The following NEB variants were observed in gnomAD, a reference collection of about 807,000 sequenced individuals.
NEB encodes the protein nebulin.
NEB carries 512 observed loss-of-function variants against 952.2 expected under a neutral mutation model. The observed-to-expected ratio is 0.54, with a 90% confidence interval of 0.50 to 0.58. The LOEUF (loss-of-function observed/expected upper bound fraction) is 0.58. NEB is among the 20% of genes least tolerant of loss of function. The pLI, the probability that NEB is intolerant of heterozygous loss-of-function variation, is 0.00. For missense variants in NEB, 8,428 were observed against 9,231.1 expected, an observed-to-expected ratio of 0.91 and a Z score of 3.56; for synonymous variants, 2,900 against 3,149.8, an observed-to-expected ratio of 0.92 and a Z score of 2.66.
At chr2:151,508,681 AAGC>A (rs1024321186) in intron 161 of NEB, among the ~76,000 whole-genome samples, 105 of 152,352 alleles carry the variant, frequency 6.9e-4, no homozygotes, top group African/African-American at 2.4e-3. Context: ...ATGCTGCAGA[AAGC>A]AGCCTGACAG....
chr2:151,521,096 GTTA>G (rs1003218745), intron 153 of NEB, among the ~76,000 whole-genome samples: 11 of 152,100 alleles, frequency 7.2e-5, no homozygotes, highest in African/African-American at 2.7e-4. Context: ...TAGAGTTTCT[GTTA>G]TTGTTAAGAT....
intron 162 of NEB, among the ~76,000 whole-genome samples, chr2:151,507,473 T>TG (rs1349935794): frequency 7.9e-5 from 12 of 152,062 alleles, no homozygotes; most frequent in African/African-American, 2.4e-4. Context: ...GCAATAAGCC[T>TG]CTCCTTCCAG....
In NEB at chr2:151,547,682, A is replaced by G. The variant is rs777778977; in HGVS notation, c.20214T>C (p.Asp6738=). 5.6e-6 allele frequency: 9 copies of G among 1,613,802 alleles called. No homozygotes were observed. Among genetic ancestry groups the G allele is most frequent in the Non-Finnish European group, 7.6e-6 (9 of 1,179,816 alleles). ...KLKDKIHTTP[D]TPEIRQVKKT... ...TCTTGACTTGGCGGATCTCAGGGGT[A>G]TCGGGAGTTGTATGGATCTTGTCTT... is the stretch of plus-strand genomic sequence containing the variant. The change falls in exon 132 of 182, where the codon GAT becomes GAC. Residue 6738 remains aspartate (D), a synonymous_variant. Transcript: ENST00000397345.
chr2:151,634,381 T>G (rs980432679), intron 64 of NEB, among the ~76,000 whole-genome samples: 9 of 152,110 alleles, frequency 5.9e-5, no homozygotes, highest in African/African-American at 2.2e-4. Context: ...CGGTGGCTCA[T>G]GCCTGTAATC....
chr2:151,561,176 T>C, intron 122 of NEB, 32 bp downstream of exon 122: 1 of 1,579,486 alleles, frequency 6.3e-7, no homozygotes, highest in Non-Finnish European at 8.7e-7. Context: ...AGAAATAGTT[T>C]GTCCCTGGAA....
In NEB at chr2:151,553,468, C is replaced by T. The variant is rs1489708062; in HGVS notation, c.19661G>A (p.Gly6554Asp). 1 of 1,613,704 alleles carries T rather than the reference C, an allele frequency of 6.2e-7. No individual in the cohort carries two copies. Among genetic ancestry groups the T allele is most frequent in the Admixed American group, 1.7e-5 (1 of 60,008 alleles). ...AGTGTCCCAGACGTAGCAACCAATG[C>T]CTTTCAGCCAGTTGAGGTCATCCTT... ...VYKDDLNWLK[G>D]IGCYVWDTPE... Residue 6554 changes from glycine (G) to aspartate (D), a missense_variant, in exon 127 of 182, where the codon GGC (glycine) becomes GAC (aspartate). Coordinates refer to ENST00000397345, the MANE Select transcript of NEB (RefSeq NM_001164508.2).
intron 125 of NEB, among the ~76,000 whole-genome samples, chr2:151,554,317 A>G (rs1397046803): frequency 2.0e-5 from 3 of 152,202 alleles, no homozygotes; most frequent in African/African-American, 4.8e-5. Context: ...TCCCAGCACT[A>G]TGGGAGACTG....
At chr2:151,500,825 C>A (rs920052863) in intron 168 of NEB, among the ~76,000 whole-genome samples, 1 of 152,030 alleles carries the variant, frequency 6.6e-6, no homozygotes, top group African/African-American at 2.4e-5. Flanking sequence ...TCTCGACCTC[C>A]TGGGCTCAAG....
intron 164 of NEB, 140 bp downstream of exon 164, chr2:151,506,026 G>T: frequency 2.6e-6 from 2 of 762,078 alleles, no homozygotes; most frequent in Non-Finnish European, 2.4e-6. Flanking sequence ...TCTAGCCACT[G>T]TGTGGTGGTG....
rs1158802718 is a variant in NEB at position 151,633,726 on chromosome 2, C to T, written c.9342G>A (p.Leu3114=). 3.7e-6 allele frequency: 6 copies of T among 1,613,832 alleles called. No homozygotes were observed. Among genetic ancestry groups the T allele is most frequent in the Non-Finnish European group, 5.1e-6 (6 of 1,179,900 alleles). Residue 3114 remains leucine (L), a synonymous_variant, in exon 65 of 182, where the codon CTG becomes CTA. Transcript: ENST00000397345. ...LVSDVDYKNY[L]HEWTCLPDQS... ...GGTCAGGCAGGCATGTCCACTCGTG[C>T]AGGTAGTTCTTATAGTCCACGTCAC...
Position 151,503,413 on chromosome 2 carries a change from C to T in NEB, c.23771G>A (p.Gly7924Asp). 1 of 1,612,334 alleles carries T rather than the reference C, an allele frequency of 6.2e-7. No homozygotes were observed. Among genetic ancestry groups the T allele is most frequent in the Non-Finnish European group, 8.5e-7 (1 of 1,178,626 alleles). The change falls in exon 166 of 182, where the codon GGC (glycine) becomes GAC (aspartate). Residue 7924 changes from glycine to aspartate, a missense_variant. By Grantham distance (94) the Gly-to-Asp change is moderately conservative (BLOSUM62 -1). This residue lies in a region of NEB where 3,374 missense variants were observed against 3,651.5 expected (regional missense o/e 0.92). Transcript: ENST00000397345. ...CTCTGGAGTCACAGTGGTTGGAATG[C>T]CTGTTCCCAAGTTTTCTTTGTACAT... ...SVMYKENLGT[G>D]IPTTVTPEIE...
chr2:151,644,340 G>A (rs759691796), intron 56 of NEB, 128 bp downstream of exon 56: 394 of 1,074,502 alleles, frequency 3.7e-4, no homozygotes, highest in Admixed American at 4.8e-4. Context: ...ATCCCACACT[G>A]CATGGGATCA....
intron 20 of NEB, 140 bp downstream of exon 20, chr2:151,694,183 A>T: frequency 1.3e-6 from 1 of 753,322 alleles, no homozygotes. Flanking sequence ...ATCTTCCTTT[A>T]GCACCTGGGT....
intron 46 of NEB, 63 bp downstream of exon 46, chr2:151,662,072 A>C (rs768605568): frequency 5.6e-6 from 8 of 1,421,306 alleles, no homozygotes; most frequent in Non-Finnish European, 7.7e-6. Flanking sequence ...CTGTGGATTA[A>C]ATGTAAATTA....
chr2:151,643,119 A>C (rs1361257519), intron 58 of NEB, 31 bp downstream of exon 58: 1 of 1,577,352 alleles, frequency 6.3e-7, no homozygotes. Context: ...AAAAAAAATT[A>C]ATAACCTCCT....
Position 151,576,133 on chromosome 2 carries a change from A to G in NEB, c.16908+18T>C. 3 of 1,544,912 alleles carry G rather than the reference A, an allele frequency of 1.9e-6. No individual in the cohort carries two copies. The highest frequency in any genetic ancestry group is 2.6e-6 in the Non-Finnish European group (3 of 1,133,634). On this transcript the variant is annotated intron_variant, in intron 106 of 181. Transcript: ENST00000397345. ...TTTATGGCATTAATTCAATTTTAAT[A>G]GAGAAAAACTAACTCACAATACTAA... is the stretch of plus-strand genomic sequence containing the variant.
intron 45 of NEB, among the ~76,000 whole-genome samples, chr2:151,663,298 C>T (rs1320315057): frequency 6.6e-6 from 1 of 152,126 alleles, no homozygotes; most frequent in Admixed American, 6.5e-5. Context: ...AAATGAAGTT[C>T]CATTTGCTGT....
chr2:151,519,853 G>A, intron 153 of NEB, 85 bp from the exon 154 acceptor site: 1 of 853,858 alleles, frequency 1.2e-6, no homozygotes, highest in South Asian at 1.4e-5. Context: ...AAATGCCAAA[G>A]AATATGCATT....
chr2:151,537,261 GT>G, intron 140 of NEB, 25 bp from the exon 141 acceptor site: 1 of 1,437,692 alleles, frequency 7.0e-7, no homozygotes, highest in Non-Finnish European at 9.8e-7. Flanking sequence ...ACATCAAAGA[GT>G]TCTAAGAAGC....
Sources: gnomAD v4.1 joint callset for allele counts (sites outside exome capture counted in the v4.1 genomes callset) on GRCh38, gnomAD v4.1.1 for gene constraint, gnomAD v4.1.1 regional missense constraint, MANE v1.5 for transcripts, NCBI Gene and HGNC (gene_info 2026-07-23, HGNC 2026-07-21) for gene names.